The following PAPPA variants were observed in gnomAD, a reference collection of about 807,000 sequenced individuals.
The protein encoded by PAPPA is pappalysin-1.
In PAPPA, 60 loss-of-function variants were observed where a neutral mutation model predicts 164.0. The ratio of observed to expected loss-of-function variants is 0.37; its 90% CI spans 0.30 to 0.45. The LOEUF is 0.45. PAPPA is among the 20% of genes least tolerant of loss of function. The pLI is 1.00. For synonymous variants in PAPPA, 875 were observed against 814.1 expected (o/e 1.07, Z -1.27); for missense variants, 1,782 against 2,087.3 (o/e 0.85, Z 2.85).
intron 1 of PAPPA, among the ~76,000 whole-genome samples, chr9:116,181,555 T>C (rs1843905280): frequency 6.6e-6 from 1 of 152,236 alleles, no homozygotes; most frequent in African/African-American, 2.4e-5. Flanking sequence ...AATTCCAAGG[T>C]ACTGGGGTTA....
intron 9 of PAPPA, among the ~76,000 whole-genome samples, chr9:116,278,062 CAGAG>C (rs1174333417): frequency 6.6e-6 from 1 of 152,154 alleles, no homozygotes; most frequent in Non-Finnish European, 1.5e-5. Flanking sequence ...AACTGTGGTT[CAGAG>C]AGATTTAGTA....
At chr9:116,275,604 GTTC>G (rs1019767710) in intron 9 of PAPPA, among the ~76,000 whole-genome samples, 12 of 151,990 alleles carry the variant, frequency 7.9e-5, no homozygotes, top group South Asian at 2.1e-4. Flanking sequence ...TTCTTTCTTT[GTTC>G]TTCTTTTCTC....
intron 21 of PAPPA, among the ~76,000 whole-genome samples, chr9:116,390,472 AG>A (rs1846875463): frequency 6.6e-6 from 1 of 152,198 alleles, no homozygotes; most frequent in Admixed American, 6.5e-5. Context: ...CACCCAAGCC[AG>A]GGAGATTGAA....
In PAPPA at chr9:116,398,838, G is replaced by C. The variant is rs1433803364; in HGVS notation, c.*2222G>C. The C allele has an allele frequency of 2.7e-6, 1 of 375,992 alleles. No individual in the cohort carries two copies. Among genetic ancestry groups the C allele is most frequent in the African/African-American group, 2.1e-5 (1 of 47,164 alleles). 23.3% of individuals were successfully genotyped at this position (375,992 alleles called of 1,614,324 possible). ...AATTACAAGGACAAATTATTAGCAA[G>C]AAATAAGAATAGTATTAGAAGAATT... On this transcript the variant is annotated 3_prime_UTR_variant, in exon 22 of 22. Transcript: ENST00000328252.
chr9:116,157,177 T>C (rs917042307), intron 1 of PAPPA, among the ~76,000 whole-genome samples: 3 of 152,170 alleles, frequency 2.0e-5, no homozygotes, highest in African/African-American at 7.2e-5. Context: ...GTTAACCGGG[T>C]CTGTCGTCTG....
At chr9:116,236,151 A>T (rs1405370918) in intron 7 of PAPPA, among the ~76,000 whole-genome samples, 2 of 152,192 alleles carry the variant, frequency 1.3e-5, no homozygotes, top group Non-Finnish European at 2.9e-5. Context: ...TATCAACTTT[A>T]ACAGCACTTG....
At chr9:116,239,342 C>T (rs1326871605) in intron 7 of PAPPA, among the ~76,000 whole-genome samples, 1 of 152,136 alleles carries the variant, frequency 6.6e-6, no homozygotes, top group Non-Finnish European at 1.5e-5. Context: ...TACAAACTCA[C>T]CATATGACAC....
intron 9 of PAPPA, among the ~76,000 whole-genome samples, chr9:116,284,506 T>C (rs1444845446): frequency 6.7e-6 from 1 of 148,578 alleles, no homozygotes; most frequent in Non-Finnish European, 1.5e-5. Flanking sequence ...CTCCATTCTC[T>C]CCTTGTATGA....
Position 116,398,943 on chromosome 9 carries a change from C to T in PAPPA, c.*2327C>T. On this transcript the variant is annotated 3_prime_UTR_variant, in exon 22 of 22. Transcript: ENST00000328252. ...CCTCTCTCTTGCCCTGAGTTATCAG[C>T]CTGTGTGGTGTTAACTACCTTAGAA... is the stretch of plus-strand genomic sequence containing the variant. 1 of 329,194 alleles carries T rather than the reference C, an allele frequency of 3.0e-6. No homozygotes were observed. Among genetic ancestry groups the T allele is most frequent in the South Asian group, 2.5e-5 (1 of 40,110 alleles). The allele number at this position is 329,194 out of a possible 1,614,324, so 20.4% of individuals were successfully genotyped here. A position where few individuals can be genotyped will look rare whatever the true frequency, so the allele number is the denominator to read the frequency against.
rs761344612 is a variant in PAPPA, at chr9:116,211,867, G to A, written c.1853G>A (p.Gly618Glu). ...KHKSCGDPGPGNDTCGFHSFF... is the reference protein window; with the variant it reads ...KHKSCGDPGPENDTCGFHSFF... ...AAGTCCTGTGGTGACCCAGGGCCAG[G>A]AAATGACACCTGTGGCTTTCATAGC... Residue 618 changes from glycine to glutamate, a missense_variant, in exon 4 of 22, where the codon GGA becomes GAA. This residue lies in a region of PAPPA where 1,324 missense variants were observed against 1,656.9 expected (regional missense o/e 0.80). Transcript: ENST00000328252. 19 of 1,614,142 alleles carry A rather than the reference G, an allele frequency of 1.2e-5. No homozygotes were observed. In the South Asian group the frequency reaches 2.1e-4, roughly 18 times the overall value.
intron 8 of PAPPA, among the ~76,000 whole-genome samples, chr9:116,267,588 T>A (rs1845082086): frequency 6.6e-6 from 1 of 152,018 alleles, no homozygotes; most frequent in South Asian, 2.1e-4. Flanking sequence ...AAATAAGAAA[T>A]GGCGGCCGGG....
intron 2 of PAPPA, 31 bp from the exon 3 acceptor site, chr9:116,207,422 CATG>C: frequency 6.3e-7 from 1 of 1,579,638 alleles, no homozygotes. Flanking sequence ...TTTTTGGGGG[CATG>C]ATAACAGCCA....
intron 17 of PAPPA, among the ~76,000 whole-genome samples, chr9:116,356,965 A>T (rs1846362632): frequency 6.6e-6 from 1 of 152,218 alleles, no homozygotes; most frequent in Admixed American, 6.5e-5. Flanking sequence ...TAAACAAAGC[A>T]AAATAAAAAC....
intron 19 of PAPPA, among the ~76,000 whole-genome samples, chr9:116,369,455 G>A (rs919690674): frequency 2.6e-5 from 4 of 152,120 alleles, no homozygotes; most frequent in Admixed American, 2.6e-4. Context: ...CGACAAGCTG[G>A]ACTTGTGATT....
At chr9:116,339,356 C>T (rs537227414) in intron 13 of PAPPA, among the ~76,000 whole-genome samples, 10 of 152,246 alleles carry the variant, frequency 6.6e-5, no homozygotes, top group South Asian at 4.2e-4. Context: ...ACCCTCTCCT[C>T]GACACACCCC....
intron 13 of PAPPA, among the ~76,000 whole-genome samples, chr9:116,342,081 T>C (rs1846145606): frequency 1.3e-5 from 2 of 152,248 alleles, no homozygotes; most frequent in African/African-American, 4.8e-5. Flanking sequence ...AAAGTCATCT[T>C]TCCCTCTGGG....
At chr9:116,366,206 G>A (rs1249712185) in intron 18 of PAPPA, among the ~76,000 whole-genome samples, 2 of 152,168 alleles carry the variant, frequency 1.3e-5, no homozygotes, top group African/African-American at 4.8e-5. Flanking sequence ...CCTCTTTGGG[G>A]TACTGAGTAC....
chr9:116,274,476 G>C (rs1438579293), intron 9 of PAPPA, among the ~76,000 whole-genome samples: 1 of 152,240 alleles, frequency 6.6e-6, no homozygotes, highest in African/African-American at 2.4e-5. Context: ...TAATGAGTCA[G>C]AGAAGAGAGA....
rs1370212627 is a variant in PAPPA, at chr9:116,156,700, GC to G, written c.415+2114del. 2.6e-5 allele frequency among the ~76,000 whole-genome samples: 4 copies of G among 152,174 alleles called. 1 individual carries two copies. Among genetic ancestry groups the G allele is most frequent in the African/African-American group, 9.7e-5 (4 of 41,438 alleles). The stretch of plus-strand genomic sequence containing the variant: ...CCTAGTTGAGTTGGAGCCAGATTTG[GC>G]GGCGTGTAAACACCTGGCTCTGAGC... On this transcript the variant is annotated intron_variant, in intron 1 of 21. Coordinates refer to ENST00000328252, the MANE Select transcript of PAPPA (RefSeq NM_002581.5).
Sources: allele counts gnomAD v4.1 joint callset (sites outside exome capture counted in the v4.1 genomes callset), GRCh38; gene constraint gnomAD v4.1.1; regional missense constraint gnomAD v4.1.1; transcripts MANE v1.5; gene names NCBI Gene and HGNC (gene_info 2026-07-23, HGNC 2026-07-21).